Variants in MAF observed in about 807,000 individuals in gnomAD.
MAF encodes the protein MAF bZIP transcription factor, also known as transcription factor Maf.
Under a neutral mutation model 22.0 loss-of-function variants are expected in MAF, and 10 were observed. That is an observed-to-expected ratio of 0.45 (90% CI 0.28 to 0.77). The LOEUF (loss-of-function observed/expected upper bound fraction) is 0.77. MAF is among the 30% of genes least tolerant of loss of function. The pLI is 0.12. For missense variants in MAF, 544 were observed against 548.4 expected (o/e 0.99, Z 0.08); for synonymous variants, 337 against 255.8 (o/e 1.32, Z -3.03).
chr16:79,441,309 T>C, the MAF span, among the ~76,000 whole-genome samples: 1 of 152,254 alleles, frequency 6.6e-6, no homozygotes, highest in Non-Finnish European at 1.5e-5. Context: ...TTTTCCTGTT[T>C]TTCCCAAGCT....
At chr16:79,377,236 T>A in the MAF span, among the ~76,000 whole-genome samples, 2 of 152,348 alleles carry the variant, frequency 1.3e-5, no homozygotes, top group East Asian at 1.9e-4. Flanking sequence ...TGAGATGGTA[T>A]CTCATTGTGG....
the MAF span, among the ~76,000 whole-genome samples, chr16:79,579,210 G>T: frequency 6.6e-6 from 1 of 152,062 alleles, no homozygotes; most frequent in African/African-American, 2.4e-5. Flanking sequence ...AAAAAGTAAG[G>T]GAATGTGAAT....
chr16:79,275,956 A>T, the MAF span, among the ~76,000 whole-genome samples: 3 of 152,168 alleles, frequency 2.0e-5, no homozygotes, highest in African/African-American at 7.2e-5. Context: ...CCTGGCTAAC[A>T]CGGTGAAATC....
At chr16:79,434,316 G>T in the MAF span, among the ~76,000 whole-genome samples, 1 of 152,232 alleles carries the variant, frequency 6.6e-6, no homozygotes, top group African/African-American at 2.4e-5. Flanking sequence ...GCTTATAAAT[G>T]TTTAATGATG....
the MAF span, among the ~76,000 whole-genome samples, chr16:79,317,114 T>G: frequency 6.6e-6 from 1 of 151,302 alleles, no homozygotes; most frequent in Non-Finnish European, 1.5e-5. Flanking sequence ...CCATTTTCCT[T>G]CCCTCTCTGT....
chr16:79,477,285 C>A, the MAF span, among the ~76,000 whole-genome samples: 1 of 152,300 alleles, frequency 6.6e-6, no homozygotes, highest in Non-Finnish European at 1.5e-5. Context: ...TCAAGAGAAG[C>A]AGGACCCTGG....
chr16:79,254,337 T>C, the MAF span, among the ~76,000 whole-genome samples: 25,035 of 152,072 alleles, frequency 0.16, 3,348 homozygotes, highest in African/African-American at 0.37. Flanking sequence ...TATTTTTCTT[T>C]GTTATTACTC....
the MAF span, among the ~76,000 whole-genome samples, chr16:79,211,155 C>CTACCTGATGGACCACAATT: frequency 6.6e-6 from 1 of 152,086 alleles, no homozygotes; most frequent in East Asian, 1.9e-4. Flanking sequence ...CTTGGGTTTT[C>CTACCTGATGGACCACAATT]TACCTGATGG....
the MAF span, among the ~76,000 whole-genome samples, chr16:79,294,922 G>A: frequency 6.6e-6 from 1 of 152,172 alleles, no homozygotes; most frequent in East Asian, 1.9e-4. Context: ...CAAAGAAGGA[G>A]GGTTTCTCAT....
the MAF span, among the ~76,000 whole-genome samples, chr16:79,440,268 A>T: frequency 6.6e-6 from 1 of 152,186 alleles, no homozygotes; most frequent in Non-Finnish European, 1.5e-5. Flanking sequence ...GCCTTGAAGC[A>T]CACACCATAT....
chr16:79,576,335 A>G, the MAF span, among the ~76,000 whole-genome samples: 1 of 151,996 alleles, frequency 6.6e-6, no homozygotes, highest in East Asian at 1.9e-4. Context: ...TGATTAAAAA[A>G]CTGGTTCCAT....
chr16:79,573,795 A>C, the MAF span, among the ~76,000 whole-genome samples: 2 of 152,252 alleles, frequency 1.3e-5, no homozygotes. Flanking sequence ...CCAGGAAAGG[A>C]AACTTAGTCT....
chr16:79,238,487 G>C, the MAF span, among the ~76,000 whole-genome samples: 58 of 152,084 alleles, frequency 3.8e-4, no homozygotes, highest in African/African-American at 1.4e-3. Flanking sequence ...GCTATTATGT[G>C]ACCTTGTGCC....
At chr16:79,381,324 CAG>C in the MAF span, among the ~76,000 whole-genome samples, 1 of 152,142 alleles carries the variant, frequency 6.6e-6, no homozygotes, top group African/African-American at 2.4e-5. Flanking sequence ...AACCATAGGT[CAG>C]AGAGTCAGAC....
the MAF span, among the ~76,000 whole-genome samples, chr16:79,385,751 T>A: frequency 0.041 from 6,174 of 151,876 alleles, 246 homozygotes; most frequent in East Asian, 0.16. Flanking sequence ...AAATACAAAA[T>A]TTAGCTGGGT....
At chr16:79,393,877 G>A in the MAF span, among the ~76,000 whole-genome samples, 4 of 152,180 alleles carry the variant, frequency 2.6e-5, no homozygotes, top group Non-Finnish European at 5.9e-5. Context: ...AGAAGAAGGT[G>A]GTTGATGATA....
chr16:79,225,792 T>G, the MAF span, among the ~76,000 whole-genome samples: 158 of 152,348 alleles, frequency 1.0e-3, no homozygotes, highest in African/African-American at 3.6e-3. Flanking sequence ...TCATCATCAC[T>G]GGTCATTAGA....
chr16:79,559,710 C>G, the MAF span, among the ~76,000 whole-genome samples: 1 of 152,088 alleles, frequency 6.6e-6, no homozygotes, highest in Admixed American at 6.5e-5. Context: ...ATTGGAGAAG[C>G]CAACGGAAAT....
the MAF span, among the ~76,000 whole-genome samples, chr16:79,375,482 T>A: frequency 6.6e-6 from 1 of 152,058 alleles, no homozygotes; most frequent in African/African-American, 2.4e-5. Flanking sequence ...GTGATGAAGA[T>A]GATGAAGATA....
Sources: gnomAD v4.1 joint callset for allele counts (sites outside exome capture counted in the v4.1 genomes callset) on GRCh38, gnomAD v4.1.1 for gene constraint, MANE v1.5 for transcripts, NCBI Gene and HGNC (gene_info 2026-07-23, HGNC 2026-07-21) for gene names.